MET: variants seen among roughly 807,000 people sequenced by gnomAD.
MET encodes hepatocyte growth factor receptor.
MET carries 48 observed loss-of-function variants against 133.1 expected under a neutral mutation model. The ratio of observed to expected loss-of-function variants is 0.36; its 90% CI spans 0.29 to 0.46. The LOEUF is 0.46. Among genes scored for constraint, MET ranks in the 20% least tolerant of loss-of-function variants. The pLI, the probability that MET is intolerant of heterozygous loss-of-function variation, is 1.00. For missense variants in MET, 1,442 were observed against 1,695.9 expected (o/e 0.85, Z 2.63); for synonymous variants, 628 against 616.5 (o/e 1.02, Z -0.28).
At chr7:116,704,244 A>G (rs1277972584) in intron 2 of MET, among the ~76,000 whole-genome samples, 1 of 152,114 alleles carries the variant, frequency 6.6e-6, no homozygotes, top group African/African-American at 2.4e-5. Flanking sequence ...CAAGATGACT[A>G]TAAATTTAGC....
At chr7:116,768,937 A>T (rs1794732321) in intron 11 of MET, among the ~76,000 whole-genome samples, 1 of 152,194 alleles carries the variant, frequency 6.6e-6, no homozygotes, top group African/African-American at 2.4e-5. Context: ...ACTAATTTTT[A>T]AAAAATTTTT....
At chr7:116,767,190 TC>T (rs1469533408) in intron 11 of MET, among the ~76,000 whole-genome samples, 1 of 152,098 alleles carries the variant, frequency 6.6e-6, no homozygotes, top group Non-Finnish European at 1.5e-5. Context: ...GTGTTATTTT[TC>T]AGATCCTACC....
chr7:116,758,644 A>G, intron 9 of MET, 24 bp downstream of exon 9: 2 of 1,606,736 alleles, frequency 1.2e-6, no homozygotes, highest in African/African-American at 1.3e-5. Flanking sequence ...TCTGATGGGT[A>G]TAAGAAAACA....
chr7:116,725,165 T>C (rs1792692244), intron 2 of MET, among the ~76,000 whole-genome samples: 1 of 152,192 alleles, frequency 6.6e-6, no homozygotes, highest in Non-Finnish European at 1.5e-5. Flanking sequence ...CAAATGCTAA[T>C]ATTTATTGAC....
rs1257393817 is a variant in MET, at chr7:116,740,849, C to T, written c.1528-3C>T. 6.2e-7 allele frequency: 1 copy of T among 1,613,934 alleles called. No homozygotes were observed. Among genetic ancestry groups the T allele is most frequent in the Non-Finnish European group, 8.5e-7 (1 of 1,180,034 alleles). On this transcript the variant is annotated splice_polypyrimidine_tract_variant and splice_region_variant and intron_variant, in intron 4 of 20. Coordinates refer to ENST00000397752, the MANE Select transcript of MET (RefSeq NM_000245.4). ...AAGCTCTTTCCACCCCTTCTCTTCA[C>T]AGATCACGAAGATCCCATTGAATGG... is the stretch of plus-strand genomic sequence containing the variant.
intron 15 of MET, among the ~76,000 whole-genome samples, chr7:116,776,063 CT>C (rs1341923625): frequency 2.6e-5 from 4 of 151,738 alleles, no homozygotes; most frequent in African/African-American, 9.7e-5. Context: ...CTTCATTCTT[CT>C]TGTTGTTTTT....
Position 116,796,598 on chromosome 7 carries a change from A to G in MET, c.*474A>G, listed in dbSNP as rs1200283033. 6.8e-6 allele frequency: 2 copies of G among 294,566 alleles called. No homozygotes were observed. Among genetic ancestry groups the G allele is most frequent in the African/African-American group, 4.3e-5 (2 of 46,876 alleles). The allele number at this position is 294,566 out of a possible 1,614,324, so 18.2% of individuals were successfully genotyped here. ...TGGTCAATAACATTTTTCATTACTG[A>G]TGGTGTCATTCACCCATTAGGTAAA... On this transcript the variant is annotated 3_prime_UTR_variant, in exon 21 of 21. Coordinates refer to ENST00000397752, the MANE Select transcript of MET (RefSeq NM_000245.4).
At chr7:116,678,522 A>G (rs1796239421) in intron 1 of MET, among the ~76,000 whole-genome samples, 1 of 152,222 alleles carries the variant, frequency 6.6e-6, no homozygotes, top group East Asian at 1.9e-4. Flanking sequence ...AAAAATGTAA[A>G]GAAAGACATT....
intron 2 of MET, chr7:116,724,909 T>C (rs770848331): frequency 1.1e-5 from 14 of 1,227,204 alleles, no homozygotes; most frequent in Non-Finnish European, 1.5e-5. Flanking sequence ...ATTCCATGAA[T>C]TAATATTTGT....
chr7:116,719,473 T>C (rs997317328), intron 2 of MET, among the ~76,000 whole-genome samples: 1 of 152,230 alleles, frequency 6.6e-6, no homozygotes. Flanking sequence ...TCTTTTGCTG[T>C]GCAGAAGCTC....
intron 5 of MET, among the ~76,000 whole-genome samples, chr7:116,750,639 G>A (rs1210548139): frequency 2.6e-5 from 4 of 152,136 alleles, no homozygotes; most frequent in Admixed American, 6.5e-5. Flanking sequence ...GAGTGAACAG[G>A]CAACCTACAG....
intron 1 of MET, among the ~76,000 whole-genome samples, chr7:116,693,531 C>A (rs1796849575): frequency 6.6e-6 from 1 of 152,258 alleles, no homozygotes; most frequent in Non-Finnish European, 1.5e-5. Flanking sequence ...GCTGCACTGC[C>A]ACAACTAAAC....
chr7:116,716,278 A>AGAGAGG (rs1562892822), intron 2 of MET, among the ~76,000 whole-genome samples: 1 of 92,916 alleles, frequency 1.1e-5, no homozygotes, highest in Non-Finnish European at 2.1e-5. Context: ...GGAAGGAGGG[A>AGAGAGG]GAGAGGGAGA....
At chr7:116,780,424 T>G (rs1022692471) in intron 17 of MET, among the ~76,000 whole-genome samples, 3 of 152,176 alleles carry the variant, frequency 2.0e-5, no homozygotes. Context: ...AGTGAACTTT[T>G]GCAGATAAGG....
At chr7:116,741,088 TG>T in intron 5 of MET, 63 bp downstream of exon 5, 1 of 1,575,840 alleles carries the variant, frequency 6.3e-7, no homozygotes, top group African/African-American at 1.4e-5. Flanking sequence ...TTTTTTGGTT[TG>T]GTTTGGTTTG....
chr7:116,721,933 G>C (rs940897418), intron 2 of MET, among the ~76,000 whole-genome samples: 3 of 151,782 alleles, frequency 2.0e-5, no homozygotes, highest in African/African-American at 7.3e-5. Context: ...AATAGGTGTG[G>C]TGTGGTGCTG....
intron 2 of MET, among the ~76,000 whole-genome samples, chr7:116,711,758 C>A (rs1792009236): frequency 6.6e-6 from 1 of 152,016 alleles, no homozygotes; most frequent in Non-Finnish European, 1.5e-5. Flanking sequence ...TTGTTAAGAG[C>A]AAACCTATTT....
intron 2 of MET, among the ~76,000 whole-genome samples, chr7:116,719,268 T>C (rs1186329287): frequency 2.0e-5 from 3 of 148,992 alleles, no homozygotes; most frequent in Non-Finnish European, 3.0e-5. Flanking sequence ...TTTTCATGTG[T>C]TTTTTGGCTG....
intron 15 of MET, 79 bp downstream of exon 15, chr7:116,775,190 C>T (rs1794957712): frequency 5.2e-6 from 7 of 1,342,072 alleles, no homozygotes; most frequent in South Asian, 1.2e-5. Flanking sequence ...AGATTAGGAA[C>T]TTAGACAATG....
Sources: gnomAD v4.1 joint callset for allele counts (sites outside exome capture counted in the v4.1 genomes callset) on GRCh38, gnomAD v4.1.1 for gene constraint, MANE v1.5 for transcripts, NCBI Gene and HGNC (gene_info 2026-07-23, HGNC 2026-07-21) for gene names.